Variants in POF1B observed in about 807,000 individuals in gnomAD.
POF1B encodes POF1B actin binding protein, also known as protein POF1B.
POF1B carries 53 observed loss-of-function variants against 55.3 expected under a neutral mutation model. The observed-to-expected ratio is 0.96, with a 90% CI of 0.77 to 1.20. The LOEUF (loss-of-function observed/expected upper bound fraction) is 1.20, where lower values mean the gene tolerates loss of function less well. POF1B is among the 50% of genes most tolerant of loss of function. The probability of loss-of-function intolerance (pLI) is 0.00; values close to 1 mark genes in which losing one functional copy is unlikely to be tolerated. For missense variants in POF1B, 478 were observed against 420.5 expected (o/e 1.14, Z -1.20); for synonymous variants, 188 against 148.3 (o/e 1.27, Z -1.95).
intron 15 of POF1B, among the ~76,000 whole-genome samples, chrX:85,301,055 C>A (rs1411846128): frequency 9.0e-6 from 1 of 111,432 alleles, no homozygotes; most frequent in Non-Finnish European, 1.9e-5. Context: ...TATGGGGACT[C>A]CACAAGGAGA....
chrX:85,279,345 TAAC>T lies in POF1B; in HGVS notation c.*73_*75del, dbSNP rs1183577112. On this transcript the variant is annotated 3_prime_UTR_variant, in exon 17 of 17. Coordinates refer to ENST00000262753, the MANE Select transcript of POF1B (RefSeq NM_024921.4). ...TGATTGGCCTTTAGTGATGGAAAAA[TAAC>T]AAAGTACTAATGCAGAGACACACAC... 1.3e-4 allele frequency: 135 copies of T among 1,010,432 alleles called. No individual in the cohort carries two copies. The highest frequency in any genetic ancestry group is 7.8e-4 in the Middle Eastern group (3 of 3,841). The allele number at this position is 1,010,432 out of a possible 1,213,427, so 83.3% of individuals were successfully genotyped here. A position where few individuals can be genotyped will look rare whatever the true frequency, so the allele number is the denominator to read the frequency against.
chrX:85,288,684 G>C (rs1932110100), intron 15 of POF1B, among the ~76,000 whole-genome samples: 1 of 111,116 alleles, frequency 9.0e-6, no homozygotes, highest in Non-Finnish European at 1.9e-5. Flanking sequence ...CTATTTTCTT[G>C]ATAGTGAGTA....
At chrX:85,301,506 C>A (rs991154197) in intron 15 of POF1B, among the ~76,000 whole-genome samples, 6 of 111,482 alleles carry the variant, frequency 5.4e-5, no homozygotes, top group African/African-American at 1.6e-4. Flanking sequence ...GGGAGTCCTA[C>A]AAGAAATACT....
Position 85,278,238 on chromosome X carries a change from T to A in POF1B, c.*1183A>T, listed in dbSNP as rs1931821749. On this transcript the variant is annotated 3_prime_UTR_variant, in exon 17 of 17. Transcript: ENST00000262753. ...AGTATAATGCATAATTATTAGAATA[T>A]AATTATAAGGCATTACAGAATTTTA... is the stretch of plus-strand genomic sequence containing the variant. 9.0e-6 allele frequency: 1 copy of A among 110,871 alleles called. No individual in the cohort carries two copies. Among genetic ancestry groups the A allele is most frequent in the Non-Finnish European group, 1.9e-5 (1 of 52,587 alleles). 9.1% of individuals were successfully genotyped at this position (110,871 alleles called of 1,213,427 possible).
At chrX:85,320,007 C>T (rs924476223) in intron 7 of POF1B, among the ~76,000 whole-genome samples, 1 of 110,745 alleles carries the variant, frequency 9.0e-6, no homozygotes, top group Non-Finnish European at 1.9e-5. Context: ...TGGTTTTGGG[C>T]TTTTTCTATT....
At chrX:85,324,809 T>C (rs1332270141) in intron 7 of POF1B, among the ~76,000 whole-genome samples, 2 of 111,893 alleles carry the variant, frequency 1.8e-5, no homozygotes, top group African/African-American at 6.5e-5. Context: ...TGTACTTGTG[T>C]GTTTTTATGG....
In POF1B at chrX:85,345,061, G is replaced by A. The variant is rs756653142; in HGVS notation, c.723+799C>T. 2.7e-5 allele frequency among the ~76,000 whole-genome samples: 3 copies of A among 111,532 alleles called. No homozygotes were observed. In the South Asian group the frequency reaches 1.1e-3, roughly 41 times the overall value. On this transcript the variant is annotated intron_variant, in intron 6 of 16. Coordinates refer to ENST00000262753, the MANE Select transcript of POF1B (RefSeq NM_024921.4). ...TAATATAAAATAATCAAATTCTTAT[G>A]TGGGCTGGCTCCTTCTTTATTTTTT... is the stretch of plus-strand genomic sequence containing the variant.
At position 85,379,304 on chromosome X, in the gene POF1B, G is replaced by T. The variant is rs1002789268; in HGVS notation, c.151C>A (p.Arg51=). 8.3e-7 allele frequency: 1 copy of T among 1,210,337 alleles called. No homozygotes were observed. The highest frequency in any genetic ancestry group is 1.7e-5 in the African/African-American group (1 of 57,399). The change falls in exon 2 of 17, where the codon CGA becomes AGA. Residue 51 remains arginine, a synonymous_variant. Transcript: ENST00000262753. ...QPPEKNVVYE[R]VRTYSGPMNK... is the part of the protein sequence containing the mutation. ...ATGGGCCCACTGTAGGTCCTCACTC[G>T]CTCATACACTACATTTTTTTCTGGA...
intron 6 of POF1B, among the ~76,000 whole-genome samples, chrX:85,337,790 T>C (rs1371710670): frequency 8.9e-6 from 1 of 112,017 alleles, no homozygotes; most frequent in Non-Finnish European, 1.9e-5. Context: ...CCATTTCCCA[T>C]TTGTGAGTTA....
At chrX:85,305,015 T>G (rs1314051082) in intron 13 of POF1B, among the ~76,000 whole-genome samples, 4 of 110,604 alleles carry the variant, frequency 3.6e-5, no homozygotes, top group Non-Finnish European at 7.6e-5. Flanking sequence ...ATTTCCCTCT[T>G]TACCTCATAT....
At chrX:85,306,388 G>C in intron 11 of POF1B, 55 bp from the exon 12 acceptor site, 3 of 1,094,798 alleles carry the variant, frequency 2.7e-6, no homozygotes, top group Non-Finnish European at 3.7e-6. Context: ...TGGTGAGGGA[G>C]TGTTCTTTTT....
chrX:85,361,099 G>T (rs1933608071), intron 3 of POF1B, among the ~76,000 whole-genome samples: 1 of 111,131 alleles, frequency 9.0e-6, no homozygotes, highest in South Asian at 3.8e-4. Context: ...GTAAATTTGT[G>T]CAAGTTCCTT....
rs776102753 is a variant in POF1B at position 85,283,339 on chromosome X, C to T, written c.1650-1022G>A. 5.5e-5 allele frequency among the ~76,000 whole-genome samples: 6 copies of T among 109,344 alleles called. No individual in the cohort carries two copies. In the East Asian group the frequency reaches 1.7e-3, roughly 32 times the overall value. 95.0% of individuals were successfully genotyped at this position (109,344 alleles called of 115,157 possible). On this transcript the variant is annotated intron_variant, in intron 15 of 16. Transcript: ENST00000262753. ...ATCTATTAGAAACATATAAAATATACAAGGTATATTCAAGAAGTTAGAGGA... is the reference window on the plus strand; with the variant it reads ...ATCTATTAGAAACATATAAAATATATAAGGTATATTCAAGAAGTTAGAGGA...
chrX:85,324,267 C>G (rs1396070665), intron 7 of POF1B, among the ~76,000 whole-genome samples: 1 of 111,110 alleles, frequency 9.0e-6, no homozygotes, highest in Non-Finnish European at 1.9e-5. Context: ...TTCCGAATAT[C>G]TTTGTTAGTT....
At chrX:85,346,996 A>G (rs1437626363) in intron 5 of POF1B, among the ~76,000 whole-genome samples, 1 of 110,998 alleles carries the variant, frequency 9.0e-6, no homozygotes. Flanking sequence ...TGACTTCAAG[A>G]TATTCTGGAA....
At chrX:85,378,662 C>T (rs910896135) in intron 2 of POF1B, among the ~76,000 whole-genome samples, 4 of 111,775 alleles carry the variant, frequency 3.6e-5, no homozygotes, top group African/African-American at 1.3e-4. Flanking sequence ...GAAGATGAAA[C>T]ACATATGACA....
intron 6 of POF1B, among the ~76,000 whole-genome samples, chrX:85,331,922 G>A (rs1028616496): frequency 9.0e-6 from 1 of 111,507 alleles, no homozygotes; most frequent in African/African-American, 3.3e-5. Flanking sequence ...CAAATGACAG[G>A]ATTTTATTCC....
intron 7 of POF1B, among the ~76,000 whole-genome samples, chrX:85,321,183 A>G (rs1932834352): frequency 1.8e-5 from 2 of 111,860 alleles, no homozygotes; most frequent in Non-Finnish European, 3.8e-5. Flanking sequence ...TATTAATGCA[A>G]AAATCCTCAA....
chrX:85,321,882 A>G (rs1428342237), intron 7 of POF1B, among the ~76,000 whole-genome samples: 1 of 109,810 alleles, frequency 9.1e-6, no homozygotes, highest in Admixed American at 9.7e-5. Flanking sequence ...AATCCAACTT[A>G]CAAGGGATGT....
Sources: allele counts gnomAD v4.1 joint callset (sites outside exome capture counted in the v4.1 genomes callset), GRCh38; gene constraint gnomAD v4.1.1; transcripts MANE v1.5; gene names NCBI Gene and HGNC (gene_info 2026-07-23, HGNC 2026-07-21).